Variants in LARGE1 observed in about 807,000 individuals in gnomAD.
LARGE1 encodes LARGE xylosyl- and glucuronyltransferase 1, also known as xylosyl- and glucuronyltransferase LARGE1.
LARGE1 carries 43 observed loss-of-function variants against 87.6 expected under a neutral mutation model. The ratio of observed to expected loss-of-function variants is 0.49; its 90% confidence interval spans 0.38 to 0.63. The LOEUF (loss-of-function observed/expected upper bound fraction) is 0.63. LARGE1 is among the 30% of genes least tolerant of loss of function. The pLI is 0.00. For missense variants in LARGE1, 802 were observed against 1,000.2 expected (o/e 0.80, Z 2.67); for synonymous variants, 434 against 394.6 (o/e 1.10, Z -1.18).
At chr22:33,690,202 A>G (rs1325399308) in intron 2 of LARGE1, among the ~76,000 whole-genome samples, 1 of 152,218 alleles carries the variant, frequency 6.6e-6, no homozygotes, top group Non-Finnish European at 1.5e-5. Context: ...CAGAACCCAA[A>G]AAGTAGAAAT....
intron 10 of LARGE1, among the ~76,000 whole-genome samples, chr22:33,317,006 G>A (rs892211453): frequency 6.6e-6 from 1 of 152,164 alleles, no homozygotes; most frequent in Non-Finnish European, 1.5e-5. Context: ...CTGAGGTCAG[G>A]AGTTCGAGAC....
chr22:33,662,864 G>C (rs2081168867), intron 2 of LARGE1, among the ~76,000 whole-genome samples: 1 of 152,128 alleles, frequency 6.6e-6, no homozygotes, highest in African/African-American at 2.4e-5. Context: ...TTAAAAACAA[G>C]AGAAAACAAG....
In LARGE1 at chr22:33,544,656, TG is replaced by T. The variant is rs540644147; in HGVS notation, c.787+20191del. ...GAGATCACACCGCTGCAGTCCAGCC[TG>T]GGCAAACAGAGCAAGACCCTGTCTC... On this transcript the variant is annotated intron_variant, in intron 6 of 14. Transcript: ENST00000397394. 1.9e-3 allele frequency among the ~76,000 whole-genome samples: 279 copies of T among 150,730 alleles called. 2 individuals carry two copies. Among genetic ancestry groups the T allele is most frequent in the African/African-American group, 6.4e-3 (264 of 40,936 alleles).
At chr22:33,862,202 A>T (rs896749177) in intron 1 of LARGE1, among the ~76,000 whole-genome samples, 8 of 152,144 alleles carry the variant, frequency 5.3e-5, no homozygotes, top group African/African-American at 1.4e-4. Context: ...TCTGTCCTCG[A>T]GAGCTCACGG....
At chr22:33,600,325 C>G (rs568938117) in intron 5 of LARGE1, among the ~76,000 whole-genome samples, 1 of 152,138 alleles carries the variant, frequency 6.6e-6, no homozygotes, top group East Asian at 1.9e-4. Flanking sequence ...AAAAGCCTCA[C>G]GTCAGGCCTT....
At chr22:33,854,677 T>TTA (rs2063706568) in intron 1 of LARGE1, among the ~76,000 whole-genome samples, 1 of 149,090 alleles carries the variant, frequency 6.7e-6, no homozygotes, top group East Asian at 2.0e-4. Context: ...CCAGTTTATT[T>TTA]AAAAAAAAAA....
chr22:33,673,615 CCAT>C (rs1569360469), intron 2 of LARGE1, among the ~76,000 whole-genome samples: 1 of 152,186 alleles, frequency 6.6e-6, no homozygotes, highest in African/African-American at 2.4e-5. Context: ...TGCTGTGCAG[CCAT>C]CATCACTATC....
chr22:33,838,629 T>C (rs925394902), intron 1 of LARGE1, among the ~76,000 whole-genome samples: 2 of 152,032 alleles, frequency 1.3e-5, no homozygotes, highest in African/African-American at 2.4e-5. Context: ...CCCAGCAAAA[T>C]AAATAAATAA....
Position 33,794,909 on chromosome 22 carries a change from C to T in LARGE1, c.-82-33351G>A, listed in dbSNP as rs954618142. Among the ~76,000 whole-genome samples the T allele has an allele frequency of 6.9e-5, 7 of 101,404 alleles. No homozygotes were observed. The South Asian group carries it at 1.6e-3, about 23-fold the overall frequency. 66.5% of individuals were successfully genotyped at this position (101,404 alleles called of 152,430 possible). A position where few individuals can be genotyped will look rare whatever the true frequency, so the allele number is the denominator to read the frequency against. On this transcript the variant is annotated intron_variant, in intron 1 of 14. Transcript: ENST00000397394. ...TGCTGGGATTACCATCGTGAGTCAC[C>T]GTGCCCGGCCTTAAAATGGGACAAT...
the LARGE1 span, among the ~76,000 whole-genome samples, chr22:33,089,050 G>A: frequency 6.6e-6 from 1 of 152,100 alleles, no homozygotes; most frequent in African/African-American, 2.4e-5. Flanking sequence ...ACTTCCTCAC[G>A]AGTTCCTCTG....
In LARGE1 at chr22:33,703,141, T is replaced by C. The variant is rs180968118; in HGVS notation, c.107-52473A>G. The stretch of plus-strand genomic sequence containing the variant: ...TCACTCATAAATGGGAGTTGAACAA[T>C]GAGAACACATGGACACAAGGAGGGG... On this transcript the variant is annotated intron_variant, in intron 2 of 14. Coordinates refer to ENST00000397394, the MANE Select transcript of LARGE1 (RefSeq NM_133642.5). Among the ~76,000 whole-genome samples the C allele has an allele frequency of 1.4e-3, 209 of 152,016 alleles. 2 individuals are homozygous for C. Among genetic ancestry groups the C allele is most frequent in the Non-Finnish European group, 2.2e-3 (150 of 67,992 alleles).
chr22:33,643,535 A>G (rs552176140), intron 3 of LARGE1, among the ~76,000 whole-genome samples: 7 of 152,346 alleles, frequency 4.6e-5, no homozygotes, highest in South Asian at 2.1e-4. Context: ...CTAAGATCAG[A>G]GCAGAAACAA....
intron 6 of LARGE1, among the ~76,000 whole-genome samples, chr22:33,437,463 C>T (rs2067311171): frequency 6.6e-6 from 1 of 152,162 alleles, no homozygotes; most frequent in Non-Finnish European, 1.5e-5. Context: ...AAGTAACATA[C>T]CTAATTTTTT....
At chr22:33,243,431 T>C (rs2145693395) in intron 11 of LARGE1, among the ~76,000 whole-genome samples, 1 of 152,340 alleles carries the variant, frequency 6.6e-6, no homozygotes, top group East Asian at 1.9e-4. Context: ...AACCACTTAT[T>C]TGATTTCTGT....
chr22:33,602,363 T>C (rs563640579), intron 5 of LARGE1, among the ~76,000 whole-genome samples: 1 of 152,284 alleles, frequency 6.6e-6, no homozygotes, highest in Admixed American at 6.5e-5. Context: ...CCACTGTGAT[T>C]GTACCACATC....
At chr22:33,492,806 A>G (rs2069911968) in intron 6 of LARGE1, among the ~76,000 whole-genome samples, 1 of 152,174 alleles carries the variant, frequency 6.6e-6, no homozygotes, top group South Asian at 2.1e-4. Context: ...GTTTTAAATT[A>G]CTTTCATATG....
chr22:33,722,652 T>C (rs756544027), intron 2 of LARGE1, among the ~76,000 whole-genome samples: 2 of 151,998 alleles, frequency 1.3e-5, no homozygotes, highest in Non-Finnish European at 2.9e-5. Flanking sequence ...AGGCACGTTA[T>C]AGTAAGTCAC....
At chr22:33,443,173 G>C (rs962915478) in intron 6 of LARGE1, among the ~76,000 whole-genome samples, 1 of 152,136 alleles carries the variant, frequency 6.6e-6, no homozygotes, top group African/African-American at 2.4e-5. Flanking sequence ...CTTTCAGAAG[G>C]GAAATTGAGG....
intron 10 of LARGE1, among the ~76,000 whole-genome samples, chr22:33,337,342 G>A (rs1418017667): frequency 6.6e-6 from 1 of 152,154 alleles, no homozygotes. Flanking sequence ...TCCTGGCTAT[G>A]AGAGACACTT....
Sources: allele counts gnomAD v4.1 joint callset (sites outside exome capture counted in the v4.1 genomes callset), GRCh38; gene constraint gnomAD v4.1.1; transcripts MANE v1.5; gene names NCBI Gene and HGNC (gene_info 2026-07-23, HGNC 2026-07-21).